C9orf72: variants seen among roughly 807,000 people sequenced by gnomAD.
C9orf72 encodes the protein C9orf72-SMCR8 complex subunit, also known as guanine nucleotide exchange factor C9orf72.
A neutral mutation model predicts 51.6 loss-of-function variants in C9orf72; 44 were observed. The observed-to-expected ratio is 0.85, with a 90% CI of 0.67 to 1.10. The LOEUF (loss-of-function observed/expected upper bound fraction) is 1.10. Ranked by LOEUF, C9orf72 falls within the 50% of genes least tolerant of loss-of-function variation. The pLI is 0.00. For synonymous variants in C9orf72, 213 were observed against 194.2 expected, an observed-to-expected ratio of 1.10 and a Z score of -0.81; for missense variants, 607 against 570.6, an observed-to-expected ratio of 1.06 and a Z score of -0.65.
At chr9:27,566,631 T>G in intron 2 of C9orf72, 46 bp downstream of exon 2, 2 of 1,340,922 alleles carry the variant, frequency 1.5e-6, no homozygotes, top group Non-Finnish European at 2.1e-6. Context: ...AAAATAAGCT[T>G]TCAACAGATA....
chr9:27,556,945 G>A lies in C9orf72; in HGVS notation c.856-149C>T, dbSNP rs561624456. 1.8e-4 allele frequency: 111 copies of A among 616,066 alleles called. 2 individuals are homozygous for A. The highest frequency in any genetic ancestry group is 8.3e-4 in the Middle Eastern group (2 of 2,420). 38.2% of individuals were successfully genotyped at this position (616,066 alleles called of 1,614,324 possible). On this transcript the variant is annotated intron_variant, in intron 7 of 10. Coordinates refer to ENST00000380003, the MANE Select transcript of C9orf72 (RefSeq NM_018325.5). ...ATTCATGAGTGTGTGCAAAGTTTTA[G>A]TGACAGAAGTGTTCAGTATAGCATT...
chr9:27,548,751 G>T, intron 9 of C9orf72, 85 bp from the exon 10 acceptor site: 1 of 752,434 alleles, frequency 1.3e-6, no homozygotes, highest in Non-Finnish European at 2.4e-6. Context: ...GACAGTGCTT[G>T]GCAGACAATA....
At chr9:27,556,948 A>G (rs1327125080) in intron 7 of C9orf72, 152 bp from the exon 8 acceptor site, 3 of 615,484 alleles carry the variant, frequency 4.9e-6, no homozygotes, top group East Asian at 5.5e-5. Context: ...AGTTTTAGTG[A>G]CAGAAGTGTT....
At chr9:27,554,347 T>C (rs1820967446) in intron 8 of C9orf72, among the ~76,000 whole-genome samples, 1 of 151,990 alleles carries the variant, frequency 6.6e-6, no homozygotes, top group African/African-American at 2.4e-5. Context: ...AAAAACCAGA[T>C]GGAGCTAGAG....
chr9:27,551,220 A>G (rs529466121), intron 8 of C9orf72, among the ~76,000 whole-genome samples: 1 of 152,330 alleles, frequency 6.6e-6, no homozygotes, highest in Non-Finnish European at 1.5e-5. Context: ...GTTTGCCTCA[A>G]CAAGCCCACC....
intron 7 of C9orf72, among the ~76,000 whole-genome samples, chr9:27,557,021 T>C (rs1355261735): frequency 1.3e-5 from 2 of 152,184 alleles, no homozygotes; most frequent in Non-Finnish European, 2.9e-5. Context: ...AGGAAGTGGT[T>C]AAGTAAATAA....
intron 3 of C9orf72, among the ~76,000 whole-genome samples, chr9:27,565,088 C>T (rs1009629561): frequency 6.6e-6 from 1 of 152,042 alleles, no homozygotes; most frequent in Non-Finnish European, 1.5e-5. Context: ...TGAGTCTTAA[C>T]GATACAACAT....
At chr9:27,550,542 G>C in intron 9 of C9orf72, 108 bp downstream of exon 9, 1 of 638,608 alleles carries the variant, frequency 1.6e-6, no homozygotes, top group Non-Finnish European at 2.7e-6. Flanking sequence ...CAGAACTCTG[G>C]GGCATGATCC....
intron 1 of C9orf72, among the ~76,000 whole-genome samples, chr9:27,568,589 G>A (rs1486660161): frequency 1.3e-5 from 2 of 152,154 alleles, no homozygotes; most frequent in African/African-American, 4.8e-5. Flanking sequence ...GCCATGTAAC[G>A]TTTCAGTCAA....
In C9orf72 at chr9:27,573,439, C is replaced by T. The variant is rs1431714783; in HGVS notation, c.-53G>A. ...GCCGCCTCCTCACTCACCCACTCGCCACCGCCTGCGCCTCCGCCGCCGCGG... is the reference window on the plus strand; with the variant it reads ...GCCGCCTCCTCACTCACCCACTCGCTACCGCCTGCGCCTCCGCCGCCGCGG... On this transcript the variant is annotated 5_prime_UTR_variant, in exon 1 of 11. Transcript: ENST00000380003. 2 of 150,784 alleles carry T rather than the reference C, an allele frequency of 1.3e-5. No individual in the cohort carries two copies. The highest frequency in any genetic ancestry group is 2.4e-5 in the African/African-American group (1 of 41,120). The allele number at this position is 150,784 out of a possible 1,614,324, so 9.3% of individuals were successfully genotyped here.
chr9:27,558,155 A>T (rs1819253004), intron 7 of C9orf72, among the ~76,000 whole-genome samples: 1 of 151,022 alleles, frequency 6.6e-6, no homozygotes, highest in African/African-American at 2.4e-5. Flanking sequence ...ATTTTTTTTC[A>T]ATAAAATTCA....
intron 3 of C9orf72, 23 bp from the exon 4 acceptor site, chr9:27,562,499 G>A: frequency 2.3e-6 from 3 of 1,300,798 alleles, no homozygotes; most frequent in Non-Finnish European, 3.2e-6. Flanking sequence ...GTGACATGAA[G>A]TGAAGAAAAT....
intron 9 of C9orf72, 129 bp downstream of exon 9, chr9:27,550,521 C>T (rs560449842): frequency 3.9e-6 from 2 of 515,950 alleles, no homozygotes; most frequent in Admixed American, 3.7e-5. Flanking sequence ...AACTTAACTG[C>T]AATTGCTGAG....
intron 1 of C9orf72, among the ~76,000 whole-genome samples, chr9:27,569,167 A>G (rs1819534077): frequency 6.6e-6 from 1 of 152,178 alleles, no homozygotes; most frequent in Non-Finnish European, 1.5e-5. Flanking sequence ...TAGCTATACA[A>G]TGTATTTGTG....
chr9:27,555,893 A>T (rs1821000935), intron 8 of C9orf72, among the ~76,000 whole-genome samples: 1 of 151,896 alleles, frequency 6.6e-6, no homozygotes, highest in South Asian at 2.1e-4. Flanking sequence ...ACAAAAGTAT[A>T]CTATAATTCT....
intron 1 of C9orf72, among the ~76,000 whole-genome samples, chr9:27,571,945 A>G (rs1291159419): frequency 1.3e-5 from 2 of 152,200 alleles, no homozygotes; most frequent in Non-Finnish European, 2.9e-5. Context: ...TGAAGTTCAT[A>G]TCACTATCTG....
In C9orf72 at chr9:27,565,408, C is replaced by T. The variant is rs1819444271; in HGVS notation, c.504+123G>A. On this transcript the variant is annotated intron_variant, in intron 3 of 10. Transcript: ENST00000380003. ...TCTTCCTCCAGTTTATTCTGTACAC[C>T]TCCATAAAAGCTCCATTAAAGGCTT... 6 of 544,504 alleles carry T rather than the reference C, an allele frequency of 1.1e-5. No individual in the cohort carries two copies. The East Asian group carries it at 1.7e-4, about 16-fold the overall frequency. The allele number at this position is 544,504 out of a possible 1,614,324, so 33.7% of individuals were successfully genotyped here. A position where few individuals can be genotyped will look rare whatever the true frequency, so the allele number is the denominator to read the frequency against.
At chr9:27,560,064 A>G in intron 6 of C9orf72, 163 bp downstream of exon 6, 1 of 406,642 alleles carries the variant, frequency 2.5e-6, no homozygotes, top group South Asian at 5.3e-5. Context: ...AGTTTATTTC[A>G]AACTCACTGT....
rs150568774 is a variant in C9orf72 at position 27,562,165 on chromosome 9, G to A, written c.600+216C>T. On this transcript the variant is annotated intron_variant, in intron 4 of 10. Transcript: ENST00000380003. The stretch of plus-strand genomic sequence containing the variant: ...ATAAAAGTAATGAAATAAACAAAAT[G>A]AATTTAATTTTGTCATCACTGATCA... 4.8e-3 allele frequency among the ~76,000 whole-genome samples: 735 copies of A among 152,218 alleles called. 4 individuals are homozygous for A. The highest frequency in any genetic ancestry group is 0.017 in the African/African-American group (701 of 41,556).
Sources: gnomAD v4.1 joint callset for allele counts (sites outside exome capture counted in the v4.1 genomes callset) on GRCh38, gnomAD v4.1.1 for gene constraint, MANE v1.5 for transcripts, NCBI Gene and HGNC (gene_info 2026-07-23, HGNC 2026-07-21) for gene names.